The following GRID1 variants were observed in gnomAD, a reference collection of about 807,000 sequenced individuals.
The protein encoded by GRID1 is glutamate receptor ionotropic, delta-1.
A neutral mutation model predicts 98.0 loss-of-function variants in GRID1; 28 were observed. That is an observed-to-expected ratio of 0.29 (90% CI 0.21 to 0.39). The LOEUF is 0.39. Among genes scored for constraint, GRID1 ranks in the 10% least tolerant of loss-of-function variants. The probability of loss-of-function intolerance (pLI) is 1.00; values close to 1 mark genes in which losing one functional copy is unlikely to be tolerated. For synonymous variants in GRID1, 553 were observed against 538.5 expected (o/e 1.03, Z -0.37); for missense variants, 1,111 against 1,340.5 (o/e 0.83, Z 2.67).
At chr10:86,084,280 C>T (rs946247701) in intron 4 of GRID1, among the ~76,000 whole-genome samples, 2 of 150,494 alleles carry the variant, frequency 1.3e-5, no homozygotes, top group African/African-American at 4.9e-5. Flanking sequence ...AATGAGGAGG[C>T]CTTATACTCA....
chr10:85,894,509 G>A (rs906828658), intron 5 of GRID1, among the ~76,000 whole-genome samples: 2 of 152,136 alleles, frequency 1.3e-5, no homozygotes, highest in African/African-American at 2.4e-5. Context: ...TATGGGGCAG[G>A]AGGAAATTTT....
At chr10:85,797,597 G>T (rs572870867) in intron 8 of GRID1, among the ~76,000 whole-genome samples, 1 of 151,148 alleles carries the variant, frequency 6.6e-6, no homozygotes, top group Non-Finnish European at 1.5e-5. Context: ...ACCCACTGGG[G>T]GCTAAATCTG....
At chr10:85,647,750 A>G in intron 12 of GRID1, 1 of 186,840 alleles carries the variant, frequency 5.4e-6, no homozygotes, top group Non-Finnish European at 1.1e-5. Flanking sequence ...AGAGAATCAT[A>G]GTATCAAAGA....
At chr10:85,610,657 C>G (rs927301960) in intron 15 of GRID1, among the ~76,000 whole-genome samples, 1 of 152,216 alleles carries the variant, frequency 6.6e-6, no homozygotes, top group African/African-American at 2.4e-5. Flanking sequence ...TGCAGTACAG[C>G]CTGCTCAATG....
intron 4 of GRID1, among the ~76,000 whole-genome samples, chr10:86,108,813 G>C (rs1456156281): frequency 6.6e-6 from 1 of 152,188 alleles, no homozygotes; most frequent in Admixed American, 6.5e-5. Flanking sequence ...AGGCACCTAA[G>C]GGCACACCAA....
intron 3 of GRID1, among the ~76,000 whole-genome samples, chr10:86,174,751 G>C (rs1230846609): frequency 6.7e-6 from 1 of 149,518 alleles, no homozygotes; most frequent in Non-Finnish European, 1.5e-5. Context: ...ATCTGACAAA[G>C]GGCTAATATC....
intron 4 of GRID1, among the ~76,000 whole-genome samples, chr10:86,121,154 G>T (rs999764431): frequency 2.0e-5 from 3 of 152,174 alleles, no homozygotes; most frequent in Non-Finnish European, 4.4e-5. Context: ...AAGTCAGGGA[G>T]GGGAAGCTGA....
chr10:85,731,846 AGG>A, intron 8 of GRID1, among the ~76,000 whole-genome samples: 1 of 117,566 alleles, frequency 8.5e-6, no homozygotes, highest in African/African-American at 3.1e-5. Context: ...GGAGGGAGGG[AGG>A]GAGGAAGAAA....
intron 8 of GRID1, among the ~76,000 whole-genome samples, chr10:85,813,882 A>T (rs1842694503): frequency 1.3e-5 from 2 of 151,900 alleles, no homozygotes; most frequent in Non-Finnish European, 3.0e-5. Flanking sequence ...AGGGACCTCC[A>T]TGCTAGAAAT....
At chr10:86,196,779 C>T (rs937918136) in intron 3 of GRID1, among the ~76,000 whole-genome samples, 1 of 152,270 alleles carries the variant, frequency 6.6e-6, no homozygotes, top group South Asian at 2.1e-4. Context: ...GACAGAAACA[C>T]AGCAGGCTGA....
rs187640462 is a variant in GRID1 at position 86,365,040 on chromosome 10, G to C, written c.80-944C>G. On this transcript the variant is annotated intron_variant, in intron 1 of 15. Coordinates refer to ENST00000327946, the MANE Select transcript of GRID1 (RefSeq NM_017551.3). The surrounding 1 kb of genome is among the most constrained non-coding windows in gnomAD (Gnocchi z 4.8). ...AAGCCTCGAGGGTCCCTGAGGTCCC[G>C]GAGCTAGGCCCAGTGATCCCTCGAG... Among the ~76,000 whole-genome samples, 1 of 152,114 alleles carries C rather than the reference G, an allele frequency of 6.6e-6. No homozygotes were observed. The highest frequency in any genetic ancestry group is 6.5e-5 in the Admixed American group (1 of 15,278).
At chr10:85,685,148 G>A (rs757489500) in intron 12 of GRID1, among the ~76,000 whole-genome samples, 17 of 152,078 alleles carry the variant, frequency 1.1e-4, no homozygotes, top group East Asian at 1.9e-4. Flanking sequence ...CATGATTTTC[G>A]CAAATGATAT....
At chr10:86,196,477 T>C (rs1845874718) in intron 3 of GRID1, among the ~76,000 whole-genome samples, 1 of 152,100 alleles carries the variant, frequency 6.6e-6, no homozygotes, top group Non-Finnish European at 1.5e-5. Flanking sequence ...TTATCCCCAC[T>C]ACTAAAGTGG....
intron 4 of GRID1, among the ~76,000 whole-genome samples, chr10:86,094,714 T>C (rs1012083887): frequency 1.3e-4 from 19 of 151,822 alleles, no homozygotes; most frequent in African/African-American, 3.9e-4. Context: ...TGGAAAAACA[T>C]CCCATGCTCA....
At chr10:86,165,977 T>C (rs1250506333) in intron 3 of GRID1, among the ~76,000 whole-genome samples, 2 of 151,832 alleles carry the variant, frequency 1.3e-5, no homozygotes, top group Admixed American at 1.3e-4. Context: ...CAAAGGGAGA[T>C]GCCAAAATGC....
chr10:85,705,883 C>G (rs1322332079), intron 12 of GRID1, among the ~76,000 whole-genome samples: 2 of 152,126 alleles, frequency 1.3e-5, no homozygotes, highest in Non-Finnish European at 2.9e-5. Context: ...CCAATAGATG[C>G]AGAAAAGGCC....
intron 8 of GRID1, among the ~76,000 whole-genome samples, chr10:85,762,817 A>G (rs953952726): frequency 1.3e-5 from 2 of 152,234 alleles, no homozygotes; most frequent in African/African-American, 4.8e-5. Flanking sequence ...GTTGTGAGCC[A>G]GGTGACTTGT....
At position 85,916,364 on chromosome 10, in the gene GRID1, A is replaced by G. The variant is rs1841620676; in HGVS notation, c.727-125T>C. On this transcript the variant is annotated intron_variant, in intron 4 of 15. Transcript: ENST00000327946. The surrounding 1 kb of genome is among the most constrained non-coding windows in gnomAD (Gnocchi z 4.0). Reference sequence around the variant, plus strand: ...GAATATTTTCCTCACAAAACATGCCATCCCCCTGGGGCCTGCTCTGGCTGC... The same window carrying G: ...GAATATTTTCCTCACAAAACATGCCGTCCCCCTGGGGCCTGCTCTGGCTGC... 2 of 793,762 alleles carry G rather than the reference A, an allele frequency of 2.5e-6. No homozygotes were observed. Among genetic ancestry groups the G allele is most frequent in the South Asian group, 1.5e-5 (1 of 66,732 alleles). The allele number at this position is 793,762 out of a possible 1,614,324, so 49.2% of individuals were successfully genotyped here. A position where few individuals can be genotyped will look rare whatever the true frequency, so the allele number is the denominator to read the frequency against.
intron 2 of GRID1, among the ~76,000 whole-genome samples, chr10:86,287,681 G>A (rs956362580): frequency 2.4e-4 from 36 of 152,134 alleles, no homozygotes; most frequent in East Asian, 1.5e-3. Flanking sequence ...GCGTATCCTC[G>A]TTTGCCCAGC....
Sources: gnomAD v4.1 joint callset for allele counts (sites outside exome capture counted in the v4.1 genomes callset) on GRCh38, gnomAD v4.1.1 for gene constraint, Gnocchi (gnomAD v3.1) non-coding constraint, MANE v1.5 for transcripts, NCBI Gene and HGNC (gene_info 2026-07-23, HGNC 2026-07-21) for gene names.